Variants in SGIP1 observed in about 807,000 individuals in gnomAD.
The protein encoded by SGIP1 is SH3GL interacting endocytic adaptor 1.
SGIP1 carries 38 observed loss-of-function variants against 107.5 expected under a neutral mutation model. The ratio of observed to expected loss-of-function variants is 0.35; its 90% CI spans 0.27 to 0.46. The LOEUF (loss-of-function observed/expected upper bound fraction) is 0.46. Among genes scored for constraint, SGIP1 ranks in the 20% least tolerant of loss-of-function variants. The probability of loss-of-function intolerance (pLI) is 1.00; values close to 1 mark genes in which losing one functional copy is unlikely to be tolerated. For missense variants in SGIP1, 929 were observed against 1,019.5 expected (o/e 0.91, Z 1.21); for synonymous variants, 365 against 366.1 (o/e 1.00, Z 0.03).
chr1:66,549,775 G>C (rs2057114135), intron 1 of SGIP1, among the ~76,000 whole-genome samples: 1 of 152,088 alleles, frequency 6.6e-6, no homozygotes, highest in Non-Finnish European at 1.5e-5. Context: ...ACCCCTGCCA[G>C]CTTGCCTAGT....
At chr1:66,571,676 C>A (rs2148610096) in intron 1 of SGIP1, among the ~76,000 whole-genome samples, 1 of 152,144 alleles carries the variant, frequency 6.6e-6, no homozygotes, top group Admixed American at 6.6e-5. Flanking sequence ...TCTCTGCTGG[C>A]TACAGAACAC....
rs2094615298 is a variant in SGIP1 at position 66,751,118 on chromosome 1, A to G, written c.*8023A>G. Among the ~76,000 whole-genome samples the G allele has an allele frequency of 1.3e-5, 2 of 152,208 alleles. No homozygotes were observed. Among genetic ancestry groups the G allele is most frequent in the Admixed American group, 1.3e-4 (2 of 15,280 alleles). ...CTGGAAAATAAATGAAAAATATGAAAATAAATTGAATTGTGAATATCTTTT... is the reference window on the plus strand; with the variant it reads ...CTGGAAAATAAATGAAAAATATGAAGATAAATTGAATTGTGAATATCTTTT... On this transcript the variant is annotated 3_prime_UTR_variant, in exon 25 of 25. Transcript: ENST00000371037.
intron 22 of SGIP1, among the ~76,000 whole-genome samples, 194 bp downstream of exon 22, chr1:66,739,731 G>A (rs997454139): frequency 1.3e-5 from 2 of 152,196 alleles, no homozygotes; most frequent in South Asian, 2.1e-4. Flanking sequence ...CTTACACAAT[G>A]GTGGAAGTGC....
At chr1:66,698,240 G>A (rs535606343) in intron 18 of SGIP1, among the ~76,000 whole-genome samples, 100 of 152,288 alleles carry the variant, frequency 6.6e-4, no homozygotes, top group African/African-American at 2.3e-3. Flanking sequence ...AAAAGTGTTA[G>A]TGGTTCTAAT....
At chr1:66,705,944 G>A (rs1285363765) in intron 18 of SGIP1, among the ~76,000 whole-genome samples, 2 of 151,892 alleles carry the variant, frequency 1.3e-5, no homozygotes, top group African/African-American at 2.4e-5. Flanking sequence ...ACTGGGTGAC[G>A]GGTTGACGGG....
At chr1:66,719,529 G>C in intron 19 of SGIP1, 124 bp downstream of exon 19, 1 of 541,146 alleles carries the variant, frequency 1.8e-6, no homozygotes, top group Non-Finnish European at 3.2e-6. Context: ...AGCAATAGTA[G>C]ATGGCACAGC....
intron 1 of SGIP1, among the ~76,000 whole-genome samples, chr1:66,576,839 A>G (rs1015327254): frequency 6.6e-6 from 1 of 152,244 alleles, no homozygotes; most frequent in South Asian, 2.1e-4. Flanking sequence ...TCTGGGGATT[A>G]GTCTTCAGTG....
rs568982532 is a variant in SGIP1, at chr1:66,741,952, G to C, written c.2464+516G>C. 4.6e-5 allele frequency among the ~76,000 whole-genome samples: 7 copies of C among 152,126 alleles called. 1 individual carries two copies. In the East Asian group the frequency reaches 1.4e-3, roughly 29 times the overall value. On this transcript the variant is annotated intron_variant, in intron 24 of 24. Coordinates refer to ENST00000371037, the MANE Select transcript of SGIP1 (RefSeq NM_032291.4). Reference sequence around the variant, plus strand: ...ATGGCTAATTTTTTGTATTTTAGTAGAGACGGGGTTTCACCGTGTTAGCCA... The same window carrying C: ...ATGGCTAATTTTTTGTATTTTAGTACAGACGGGGTTTCACCGTGTTAGCCA...
intron 24 of SGIP1, 95 bp downstream of exon 24, chr1:66,741,531 C>A: frequency 7.9e-7 from 1 of 1,273,030 alleles, no homozygotes; most frequent in Non-Finnish European, 1.0e-6. Context: ...CTTTTTCCTC[C>A]ACCTCTTTCC....
chr1:66,609,051 A>G (rs2067414757), intron 1 of SGIP1, among the ~76,000 whole-genome samples: 1 of 67,208 alleles, frequency 1.5e-5, no homozygotes, highest in Admixed American at 1.9e-4. Flanking sequence ...GTCACTTTTG[A>G]CACTTGAGCC....
At chr1:66,684,023 G>C (rs10749764) in intron 15 of SGIP1, 715,326 of 1,524,616 alleles carry the variant, frequency 0.47, 175,820 homozygotes, top group East Asian at 0.84. Context: ...AGCCCTAAAT[G>C]CTTTTTGGCC....
chr1:66,749,507 T>C lies in SGIP1; in HGVS notation c.*6412T>C, dbSNP rs887417277. 3.9e-5 allele frequency among the ~76,000 whole-genome samples: 6 copies of C among 151,942 alleles called. No homozygotes were observed. Among genetic ancestry groups the C allele is most frequent in the Non-Finnish European group, 7.4e-5 (5 of 67,882 alleles). On this transcript the variant is annotated 3_prime_UTR_variant, in exon 25 of 25. Transcript: ENST00000371037. ...TTACTTTGCCAATCAGTTACTTTTATACCAAATTAACGAAGTTTCTTTAAA... is the reference window on the plus strand; with the variant it reads ...TTACTTTGCCAATCAGTTACTTTTACACCAAATTAACGAAGTTTCTTTAAA...
In SGIP1 at chr1:66,588,778, T is replaced by A. The variant is rs556703922; in HGVS notation, c.11-37069T>A. On this transcript the variant is annotated intron_variant, in intron 1 of 24. Coordinates refer to ENST00000371037, the MANE Select transcript of SGIP1 (RefSeq NM_032291.4). ...TACCCTTTTGGTTTCACATTTAGTT[T>A]GTGTCTTATTCTTTGCAGATCATTA... Among the ~76,000 whole-genome samples the A allele has an allele frequency of 7.9e-4, 120 of 152,104 alleles. No homozygotes were observed. In the South Asian group the frequency reaches 8.9e-3, roughly 11 times the overall value.
chr1:66,631,928 TA>T (rs1472563986), intron 2 of SGIP1, among the ~76,000 whole-genome samples: 1 of 152,176 alleles, frequency 6.6e-6, no homozygotes, highest in Non-Finnish European at 1.5e-5. Context: ...AAAACTGAAT[TA>T]AAATGGGAGG....
intron 21 of SGIP1, among the ~76,000 whole-genome samples, chr1:66,734,289 A>G (rs1191241963): frequency 2.0e-5 from 3 of 152,168 alleles, no homozygotes; most frequent in Non-Finnish European, 4.4e-5. Flanking sequence ...AGATAGTCCT[A>G]TGAAAGAATT....
chr1:66,736,304 G>A (rs928551325), intron 21 of SGIP1, among the ~76,000 whole-genome samples: 12 of 144,800 alleles, frequency 8.3e-5, no homozygotes, highest in Admixed American at 7.7e-4. Context: ...TATAAAATAT[G>A]CAAATATATA....
intron 1 of SGIP1, among the ~76,000 whole-genome samples, chr1:66,614,981 G>A (rs1459964705): frequency 1.3e-5 from 2 of 151,594 alleles, no homozygotes; most frequent in African/African-American, 2.4e-5. Context: ...CACCACGCCC[G>A]GCTAATTTTG....
chr1:66,602,114 T>C (rs546159004), intron 1 of SGIP1, among the ~76,000 whole-genome samples: 2 of 152,338 alleles, frequency 1.3e-5, no homozygotes, highest in East Asian at 3.9e-4. Context: ...AAGCAGAACA[T>C]TGGCCTCTCA....
chr1:66,589,979 G>C (rs1331119959), intron 1 of SGIP1, among the ~76,000 whole-genome samples: 1 of 152,132 alleles, frequency 6.6e-6, no homozygotes, highest in African/African-American at 2.4e-5. Context: ...TTTGTTCCCT[G>C]TGTGTGAGTT....
Sources: gnomAD v4.1 joint callset for allele counts (sites outside exome capture counted in the v4.1 genomes callset) on GRCh38, gnomAD v4.1.1 for gene constraint, MANE v1.5 for transcripts, NCBI Gene and HGNC (gene_info 2026-07-23, HGNC 2026-07-21) for gene names.